Variants in OPCML observed in about 807,000 individuals in gnomAD.
The protein encoded by OPCML is opioid-binding protein/cell adhesion molecule.
A neutral mutation model predicts 37.8 loss-of-function variants in OPCML; 13 were observed. The observed-to-expected ratio is 0.34, with a 90% CI of 0.22 to 0.55. The LOEUF (loss-of-function observed/expected upper bound fraction) is 0.55, where lower values mean the gene tolerates loss of function less well. Ranked by LOEUF, OPCML falls within the 20% of genes least tolerant of loss-of-function variation. The pLI is 0.91. For synonymous variants in OPCML, 176 were observed against 168.8 expected (o/e 1.04, Z -0.33); for missense variants, 341 against 435.6 (o/e 0.78, Z 1.93).
At chr11:133,371,060 T>C (rs1256498217) in intron 1 of OPCML, among the ~76,000 whole-genome samples, 1 of 152,160 alleles carries the variant, frequency 6.6e-6, no homozygotes, top group Non-Finnish European at 1.5e-5. Flanking sequence ...CCAACAGGTA[T>C]GTGAAAAAAT....
At chr11:133,030,755 C>T (rs1947650653) in intron 1 of OPCML, among the ~76,000 whole-genome samples, 2 of 152,122 alleles carry the variant, frequency 1.3e-5, no homozygotes, top group African/African-American at 2.4e-5. Context: ...GATTTCAATG[C>T]TCTGGTTCTC....
At chr11:133,138,285 T>A (rs185336310) in intron 1 of OPCML, among the ~76,000 whole-genome samples, 273 of 152,326 alleles carry the variant, frequency 1.8e-3, no homozygotes, top group Non-Finnish European at 2.9e-3. Flanking sequence ...TCTTGGACTT[T>A]CCAGCCGCCA....
At position 133,281,209 on chromosome 11, in the gene OPCML, C is replaced by T. The variant is rs79195135; in HGVS notation, c.61+251055G>A. Reference sequence around the variant, plus strand: ...GTGATATGGTTTGGATATTTGTCGCCTCCAAACCTCATGTTGAAATATGAT... The same window carrying T: ...GTGATATGGTTTGGATATTTGTCGCTTCCAAACCTCATGTTGAAATATGAT... On this transcript the variant is annotated intron_variant, in intron 1 of 7. Transcript: ENST00000524381. Among the ~76,000 whole-genome samples the T allele has an allele frequency of 8.6e-3, 1,302 of 152,236 alleles. 25 individuals carry two copies. Among genetic ancestry groups the T allele is most frequent in the African/African-American group, 0.03 (1,230 of 41,552 alleles).
At chr11:132,907,995 A>G (rs1004184595) in intron 2 of OPCML, among the ~76,000 whole-genome samples, 1 of 152,148 alleles carries the variant, frequency 6.6e-6, no homozygotes, top group African/African-American at 2.4e-5. Flanking sequence ...GTTCCAAAAC[A>G]TATTGTGTCC....
intron 2 of OPCML, among the ~76,000 whole-genome samples, chr11:132,794,182 G>A (rs1409226154): frequency 1.3e-5 from 2 of 152,142 alleles, no homozygotes; most frequent in Non-Finnish European, 2.9e-5. Flanking sequence ...CCTTAACATG[G>A]GAGCTAGAGT....
chr11:133,360,504 G>A (rs1044878360), intron 1 of OPCML: 1 of 152,208 alleles, frequency 6.6e-6, no homozygotes, highest in Non-Finnish European at 1.5e-5. Flanking sequence ...TCCGCTTCTG[G>A]GAGCACAGGA....
chr11:132,972,233 C>A (rs145311732), intron 1 of OPCML, among the ~76,000 whole-genome samples: 39 of 152,066 alleles, frequency 2.6e-4, no homozygotes, highest in Admixed American at 2.6e-4. Context: ...CTTGGTGGCC[C>A]CAGTCCTGCG....
At chr11:133,155,710 C>T (rs1284111796) in intron 1 of OPCML, among the ~76,000 whole-genome samples, 1 of 152,174 alleles carries the variant, frequency 6.6e-6, no homozygotes, top group Non-Finnish European at 1.5e-5. Flanking sequence ...TATTCAACTG[C>T]CTACTTGACA....
intron 1 of OPCML, among the ~76,000 whole-genome samples, chr11:133,176,936 G>A (rs1937610294): frequency 6.6e-6 from 1 of 152,178 alleles, no homozygotes; most frequent in African/African-American, 2.4e-5. Context: ...GTAGCACCCT[G>A]ACCCTGGCCC....
intron 3 of OPCML, among the ~76,000 whole-genome samples, chr11:132,555,919 C>A (rs983600045): frequency 1.3e-5 from 2 of 151,916 alleles, no homozygotes; most frequent in East Asian, 3.9e-4. Flanking sequence ...TATATCAAAA[C>A]GTTTCTTGTT....
intron 2 of OPCML, among the ~76,000 whole-genome samples, chr11:132,765,632 G>T (rs1946414531): frequency 6.6e-6 from 1 of 152,198 alleles, no homozygotes; most frequent in African/African-American, 2.4e-5. Flanking sequence ...GATAGAAGCA[G>T]AGTCCAAATC....
At chr11:133,375,833 A>G (rs1226591194) in intron 1 of OPCML, among the ~76,000 whole-genome samples, 1 of 152,218 alleles carries the variant, frequency 6.6e-6, no homozygotes, top group Non-Finnish European at 1.5e-5. Flanking sequence ...GGCACACAGA[A>G]GTCATTGAAT....
chr11:133,501,792 C>T (rs1366819647), intron 1 of OPCML, among the ~76,000 whole-genome samples: 2 of 152,116 alleles, frequency 1.3e-5, no homozygotes, highest in African/African-American at 2.4e-5. Context: ...ATAACCTCCT[C>T]CACAGGGCAC....
At chr11:132,909,151 A>G (rs57740532) in intron 2 of OPCML, among the ~76,000 whole-genome samples, 12,451 of 152,264 alleles carry the variant, frequency 0.082, 608 homozygotes, top group Middle Eastern at 0.13. Context: ...TTGGCCACCC[A>G]AGTGAACAGT....
intron 2 of OPCML, among the ~76,000 whole-genome samples, chr11:132,920,335 T>A (rs1252772397): frequency 6.6e-6 from 1 of 152,168 alleles, no homozygotes; most frequent in Non-Finnish European, 1.5e-5. Context: ...ATGGACTGCA[T>A]CCCACCTCCT....
chr11:133,343,684 CT>C (rs1465043358), intron 1 of OPCML, among the ~76,000 whole-genome samples: 1 of 152,170 alleles, frequency 6.6e-6, no homozygotes, highest in African/African-American at 2.4e-5. Flanking sequence ...TTTCAGCTGT[CT>C]ACCTAGCACT....
chr11:132,450,350 C>T (rs1312490528), intron 4 of OPCML, among the ~76,000 whole-genome samples: 1 of 152,204 alleles, frequency 6.6e-6, no homozygotes, highest in Non-Finnish European at 1.5e-5. Context: ...ACTAGGGCTC[C>T]AACAGAGCAG....
At chr11:132,643,226 G>A (rs182628532) in intron 3 of OPCML, among the ~76,000 whole-genome samples, 1 of 152,298 alleles carries the variant, frequency 6.6e-6, no homozygotes. Context: ...GCGGTGAGCC[G>A]AGACAATGCC....
chr11:133,110,639 A>G (rs1949235381), intron 1 of OPCML, among the ~76,000 whole-genome samples: 1 of 152,150 alleles, frequency 6.6e-6, no homozygotes, highest in Non-Finnish European at 1.5e-5. Flanking sequence ...GCATCTTCTC[A>G]TTCTGGGTTC....
Sources: gnomAD v4.1 joint callset for allele counts (sites outside exome capture counted in the v4.1 genomes callset) on GRCh38, gnomAD v4.1.1 for gene constraint, MANE v1.5 for transcripts, NCBI Gene and HGNC (gene_info 2026-07-23, HGNC 2026-07-21) for gene names.